The following CAPN8 variants were observed in gnomAD, a reference collection of about 807,000 sequenced individuals.
The protein encoded by CAPN8 is calpain-8.
In CAPN8, 87 loss-of-function variants were observed where a neutral mutation model predicts 80.9. The observed-to-expected ratio is 1.07, with a 90% confidence interval of 0.90 to 1.28. The LOEUF is 1.28. CAPN8 is among the 50% of genes most tolerant of loss of function. CAPN8 has a pLI of 0.00. For missense variants in CAPN8, 757 were observed against 702.0 expected (o/e 1.08, Z -0.89); for synonymous variants, 299 against 273.8 (o/e 1.09, Z -0.91).
At chr1:223,661,027 T>C (rs180869632) in intron 1 of CAPN8, among the ~76,000 whole-genome samples, 2 of 151,208 alleles carry the variant, frequency 1.3e-5, no homozygotes, top group Non-Finnish European at 3.0e-5. Context: ...AATTAGCCAA[T>C]TGGTGGCAGG....
chr1:223,611,319 C>A (rs1056117049), intron 11 of CAPN8, among the ~76,000 whole-genome samples: 6 of 152,236 alleles, frequency 3.9e-5, no homozygotes, highest in African/African-American at 1.4e-4. Flanking sequence ...CACCAGTGTG[C>A]CCTATCAGTT....
intron 14 of CAPN8, among the ~76,000 whole-genome samples, chr1:223,552,154 G>C (rs957628471): frequency 6.6e-6 from 1 of 152,146 alleles, no homozygotes; most frequent in African/African-American, 2.4e-5. Flanking sequence ...TCCTCCGCTA[G>C]CCAGGCCCTG....
chr1:223,657,500 C>T (rs1658529286), intron 1 of CAPN8, among the ~76,000 whole-genome samples: 1 of 152,158 alleles, frequency 6.6e-6, no homozygotes, highest in Non-Finnish European at 1.5e-5. Flanking sequence ...GGCATGGTGA[C>T]TCACACCTGT....
chr1:223,609,389 A>C (rs920770896), intron 11 of CAPN8, 25 bp from the exon 12 acceptor site: 10 of 398,464 alleles, frequency 2.5e-5, no homozygotes, highest in Non-Finnish European at 4.4e-5. Flanking sequence ...AAGCAGAGTC[A>C]ATTTCTTGTT....
At chr1:223,553,403 G>T (rs1656842421) in intron 14 of CAPN8, among the ~76,000 whole-genome samples, 1 of 152,300 alleles carries the variant, frequency 6.6e-6, no homozygotes, top group African/African-American at 2.4e-5. Context: ...AACAGGGCTA[G>T]TCCTGCACAC....
In CAPN8 at chr1:223,665,456, C is replaced by T. The variant is rs1170957749; in HGVS notation, c.191G>A (p.Gly64Glu). The change falls in exon 1 of 21, where the codon GGA becomes GAA. Residue 64 changes from glycine to glutamate, a missense_variant. Physicochemically the swap from Gly to Glu is moderately conservative, Grantham distance 98. Coordinates refer to ENST00000366872, the MANE Select transcript of CAPN8 (RefSeq NM_001143962.2). ...GCCTTGAGTTTGCGGAGAGCCTGGTCCAAGATCCTTGTAGCCCAAAGCTGA... is the reference window on the plus strand; with the variant it reads ...GCCTTGAGTTTGCGGAGAGCCTGGTTCAAGATCCTTGTAGCCCAAAGCTGA... ...CPSALGYKDL[G>E]PGSPQTQGII... The T allele has an allele frequency of 3.9e-6, 6 of 1,551,978 alleles. No individual in the cohort carries two copies. The highest frequency in any genetic ancestry group is 1.2e-5 in the South Asian group (1 of 84,052).
rs1221840986 is a variant in CAPN8, at chr1:223,618,424, C to A, written c.1135+869G>T. The A allele has an allele frequency of 2.6e-6, 3 of 1,157,978 alleles. No individual in the cohort carries two copies. The African/African-American group carries it at 4.6e-5, about 18-fold the overall frequency. 71.7% of individuals were successfully genotyped at this position (1,157,978 alleles called of 1,614,324 possible). A position where few individuals can be genotyped will look rare whatever the true frequency, so the allele number is the denominator to read the frequency against. On this transcript the variant is annotated intron_variant, in intron 9 of 20. Coordinates refer to ENST00000366872, the MANE Select transcript of CAPN8 (RefSeq NM_001143962.2). Reference sequence around the variant, plus strand: ...GTCTGAGTCCCCATGACACGCATGCCCTGTGTGTGGCCATCACGGCCCACG... The same window carrying A: ...GTCTGAGTCCCCATGACACGCATGCACTGTGTGTGGCCATCACGGCCCACG...
chr1:223,635,280 C>A (rs530937248), intron 2 of CAPN8, among the ~76,000 whole-genome samples: 2 of 152,178 alleles, frequency 1.3e-5, no homozygotes, highest in Admixed American at 1.3e-4. Flanking sequence ...GGTGAACACG[C>A]CTTTTGAAGC....
At chr1:223,643,984 C>T (rs2102727521) in intron 2 of CAPN8, 2 of 187,126 alleles carry the variant, frequency 1.1e-5, no homozygotes, top group East Asian at 1.7e-4. Context: ...TCCCACAGTA[C>T]TTATTGTCAT....
intron 11 of CAPN8, among the ~76,000 whole-genome samples, chr1:223,609,943 C>A (rs1305219739): frequency 4.6e-5 from 7 of 152,178 alleles, no homozygotes; most frequent in Non-Finnish European, 8.8e-5. Context: ...GGGGTCCCCC[C>A]AGCCTCCCCA....
In CAPN8 at chr1:223,614,774, G is replaced by T. The variant is rs535945129; in HGVS notation, c.1311+1196C>A. On this transcript the variant is annotated intron_variant, in intron 10 of 20. Coordinates refer to ENST00000366872, the MANE Select transcript of CAPN8 (RefSeq NM_001143962.2). ...GCACAGCACCCGGCACATAATAGATGCTCACTACAGTTTGTTGAATTGATG... is the reference window on the plus strand; with the variant it reads ...GCACAGCACCCGGCACATAATAGATTCTCACTACAGTTTGTTGAATTGATG... 2.9e-4 allele frequency among the ~76,000 whole-genome samples: 44 copies of T among 152,272 alleles called. No homozygotes were observed. In the East Asian group the frequency reaches 7.9e-3, roughly 27 times the overall value.
intron 13 of CAPN8, among the ~76,000 whole-genome samples, chr1:223,555,731 T>C (rs1656889433): frequency 6.6e-6 from 1 of 152,156 alleles, no homozygotes; most frequent in South Asian, 2.1e-4. Flanking sequence ...CACAGGCACA[T>C]AGCAGGCATC....
intron 2 of CAPN8, among the ~76,000 whole-genome samples, chr1:223,629,274 G>A (rs72747935): frequency 0.07 from 10,519 of 149,778 alleles, 490 homozygotes; most frequent in Middle Eastern, 0.11. Flanking sequence ...TGAAGAGCTG[G>A]CTCTGCGTGG....
Position 223,616,029 on chromosome 1 carries a change from G to C in CAPN8, c.1252C>G (p.Arg418Gly), listed in dbSNP as rs192136287. ...TGTCCTATCCGCTTCCGCCACCTGCGATTTTTCTGCATCAGGCCCAGCAGC... is the reference window on the plus strand; with the variant it reads ...TGTCCTATCCGCTTCCGCCACCTGCCATTTTTCTGCATCAGGCCCAGCAGC... Reference protein sequence around the residue: ...TVLLGLMQKNRRWRKRIGQGM... With the variant: ...TVLLGLMQKNGRWRKRIGQGM... Residue 418 changes from arginine to glycine, a missense_variant, in exon 10 of 21, where the codon CGC becomes GGC. Arg to Gly is a moderately radical substitution (Grantham distance 125). Coordinates refer to ENST00000366872, the MANE Select transcript of CAPN8 (RefSeq NM_001143962.2). 1.3e-6 allele frequency: 2 copies of C among 1,552,194 alleles called. No individual in the cohort carries two copies. Among genetic ancestry groups the C allele is most frequent in the Non-Finnish European group, 1.7e-6 (2 of 1,147,148 alleles).
At chr1:223,617,712 C>T (rs1381162461) in intron 9 of CAPN8, 1 of 152,502 alleles carries the variant, frequency 6.6e-6, no homozygotes, top group Non-Finnish European at 1.5e-5. Context: ...AAATAATACT[C>T]CCATTTATAT....
intron 2 of CAPN8, among the ~76,000 whole-genome samples, chr1:223,641,365 T>TC (rs1003492835): frequency 2.0e-5 from 3 of 149,590 alleles, no homozygotes; most frequent in African/African-American, 7.5e-5. Flanking sequence ...AAGCCTTTTT[T>TC]TAAAAAAAAA....
intron 2 of CAPN8, among the ~76,000 whole-genome samples, chr1:223,647,568 C>G (rs779791700): frequency 7.8e-4 from 118 of 152,116 alleles, no homozygotes; most frequent in Admixed American, 1.8e-3. Flanking sequence ...TTCCTAAAAC[C>G]CTCTTTGGAA....
chr1:223,643,127 T>G (rs1055989767), intron 2 of CAPN8, among the ~76,000 whole-genome samples: 1 of 152,114 alleles, frequency 6.6e-6, no homozygotes, highest in African/African-American at 2.4e-5. Context: ...AAGCCAGGTG[T>G]AATGGGGAAA....
At chr1:223,665,146 G>A (rs955780809) in intron 1 of CAPN8, among the ~76,000 whole-genome samples, 20 of 152,144 alleles carry the variant, frequency 1.3e-4, no homozygotes, top group African/African-American at 4.1e-4. Context: ...CCAGCTACTC[G>A]GGAGGCTGAG....
Sources: gnomAD v4.1 joint callset for allele counts (sites outside exome capture counted in the v4.1 genomes callset) on GRCh38, gnomAD v4.1.1 for gene constraint, MANE v1.5 for transcripts, NCBI Gene and HGNC (gene_info 2026-07-23, HGNC 2026-07-21) for gene names.